CFAP299: variants seen among roughly 807,000 people sequenced by gnomAD.
The protein encoded by CFAP299 is cilia- and flagella-associated protein 299.
Under a neutral mutation model 27.0 loss-of-function variants are expected in CFAP299, and 21 were observed. That is an observed-to-expected ratio of 0.78 (90% CI 0.55 to 1.12). The LOEUF (loss-of-function observed/expected upper bound fraction) is 1.12, where lower values mean the gene tolerates loss of function less well. Ranked by LOEUF, CFAP299 falls within the 50% of genes most tolerant of loss-of-function variation. The pLI is 0.00. For missense variants in CFAP299, 310 were observed against 276.6 expected, an observed-to-expected ratio of 1.12 and a Z score of -0.86; for synonymous variants, 104 against 98.1, an observed-to-expected ratio of 1.06 and a Z score of -0.36.
At chr4:80,953,590 C>T (rs559019402) in intron 5 of CFAP299, among the ~76,000 whole-genome samples, 25 of 152,136 alleles carry the variant, frequency 1.6e-4, no homozygotes, top group Non-Finnish European at 2.8e-4. Flanking sequence ...ATGTCCTCCA[C>T]TTGACCTGAA....
At chr4:80,569,989 T>G (rs1470370779) in intron 2 of CFAP299, among the ~76,000 whole-genome samples, 1 of 151,642 alleles carries the variant, frequency 6.6e-6, no homozygotes, top group Non-Finnish European at 1.5e-5. Flanking sequence ...ATCAAAGACA[T>G]TTTGAAAAAG....
chr4:80,745,110 A>T (rs1039157178), intron 3 of CFAP299, among the ~76,000 whole-genome samples: 5 of 131,064 alleles, frequency 3.8e-5, no homozygotes, highest in African/African-American at 1.4e-4. Context: ...TGATGTTTGA[A>T]CGAGAAAGCA....
intron 3 of CFAP299, among the ~76,000 whole-genome samples, chr4:80,617,385 G>T (rs1325501330): frequency 6.6e-6 from 1 of 152,092 alleles, no homozygotes; most frequent in Non-Finnish European, 1.5e-5. Flanking sequence ...CCAGCTTCCT[G>T]ACTGTGAGAT....
intron 2 of CFAP299, among the ~76,000 whole-genome samples, chr4:80,523,641 T>C (rs1202083471): frequency 6.6e-6 from 1 of 152,138 alleles, no homozygotes; most frequent in Admixed American, 6.6e-5. Flanking sequence ...GTGATCTTGC[T>C]CTTTGTATAT....
chr4:80,391,042 CACAT>C (rs1372883398), intron 2 of CFAP299, among the ~76,000 whole-genome samples: 1 of 150,752 alleles, frequency 6.6e-6, no homozygotes, highest in African/African-American at 2.4e-5. Context: ...TATACACACA[CACAT>C]ATATACACAC....
chr4:80,866,962 A>G (rs192155037), intron 3 of CFAP299, among the ~76,000 whole-genome samples: 27 of 152,328 alleles, frequency 1.8e-4, no homozygotes, highest in Middle Eastern at 6.8e-3. Context: ...AGCTTATGAT[A>G]AACACCAAGA....
At chr4:80,831,619 G>T (rs534634836) in intron 3 of CFAP299, among the ~76,000 whole-genome samples, 1 of 152,210 alleles carries the variant, frequency 6.6e-6, no homozygotes, top group Admixed American at 6.6e-5. Context: ...TGGGAGTGAT[G>T]CCCAGAAACT....
At chr4:80,922,888 A>T (rs1421558380) in intron 4 of CFAP299, among the ~76,000 whole-genome samples, 3 of 149,856 alleles carry the variant, frequency 2.0e-5, no homozygotes, top group African/African-American at 7.3e-5. Context: ...TAATCTATAC[A>T]TACATATATA....
intron 2 of CFAP299, among the ~76,000 whole-genome samples, chr4:80,390,502 TATATATACACAC>T: frequency 7.2e-6 from 1 of 138,646 alleles, no homozygotes; most frequent in Admixed American, 7.5e-5. Context: ...TATATATATG[TATATATACACAC>T]ATATATGTAT....
At chr4:80,915,628 T>C (rs1735706093) in intron 4 of CFAP299, among the ~76,000 whole-genome samples, 1 of 152,068 alleles carries the variant, frequency 6.6e-6, no homozygotes, top group South Asian at 2.1e-4. Context: ...CAGATCCTCC[T>C]GTTATCCATC....
chr4:80,607,208 T>C (rs536329580), intron 3 of CFAP299, among the ~76,000 whole-genome samples: 1 of 152,154 alleles, frequency 6.6e-6, no homozygotes, highest in Non-Finnish European at 1.5e-5. Flanking sequence ...GTATAGCAAA[T>C]AGAATATTAA....
At chr4:80,627,597 A>G (rs1178140013) in intron 3 of CFAP299, among the ~76,000 whole-genome samples, 1 of 152,018 alleles carries the variant, frequency 6.6e-6, no homozygotes. Context: ...AATTCTAAAG[A>G]CTTTACAAAA....
At chr4:80,498,162 A>T (rs188166920) in intron 2 of CFAP299, among the ~76,000 whole-genome samples, 3 of 152,316 alleles carry the variant, frequency 2.0e-5, no homozygotes, top group African/African-American at 7.2e-5. Context: ...AAACAGAGGA[A>T]TTACCATTCT....
At chr4:80,829,103 T>G (rs1474842317) in intron 3 of CFAP299, among the ~76,000 whole-genome samples, 2 of 151,980 alleles carry the variant, frequency 1.3e-5, no homozygotes, top group Non-Finnish European at 2.9e-5. Context: ...TTAAAAACTT[T>G]TGTACATTAA....
Position 80,801,226 on chromosome 4 carries a change from T to C in CFAP299, c.334-68767T>C, listed in dbSNP as rs80181289. ...CCTTTTGAACATATAGATTTTTATA[T>C]ATTTAACAATTTAAGAACACACAGT... is the stretch of plus-strand genomic sequence containing the variant. On this transcript the variant is annotated intron_variant, in intron 3 of 5. Coordinates refer to ENST00000358105, the MANE Select transcript of CFAP299 (RefSeq NM_152770.3). Among the ~76,000 whole-genome samples the C allele has an allele frequency of 2.0e-3, 297 of 151,976 alleles. 13 individuals carry two copies. The East Asian group carries it at 0.049, about 25-fold the overall frequency.
chr4:80,398,855 G>T (rs768321028), intron 2 of CFAP299, among the ~76,000 whole-genome samples: 4 of 151,978 alleles, frequency 2.6e-5, no homozygotes, highest in Admixed American at 1.3e-4. Context: ...CTAATGAAAC[G>T]AAAGAGCTTC....
intron 4 of CFAP299, among the ~76,000 whole-genome samples, chr4:80,887,681 G>A (rs1734039123): frequency 6.6e-6 from 1 of 152,062 alleles, no homozygotes; most frequent in Admixed American, 6.5e-5. Flanking sequence ...GAATAATACA[G>A]AATTATGTAA....
At chr4:80,554,076 T>A (rs532755834) in intron 2 of CFAP299, among the ~76,000 whole-genome samples, 2 of 152,286 alleles carry the variant, frequency 1.3e-5, no homozygotes, top group East Asian at 1.9e-4. Flanking sequence ...CATTTGTATG[T>A]CCAGGATGGT....
rs1002042355 is a variant in CFAP299, at chr4:80,387,551, C to A, written c.242+24667C>A. On this transcript the variant is annotated intron_variant, in intron 2 of 5. Transcript: ENST00000358105. ...GGCTGGCCCAACCCTGTGTTTTCCTCATCCTCCTGCCTACTGGGGTTCAGG... is the reference window on the plus strand; with the variant it reads ...GGCTGGCCCAACCCTGTGTTTTCCTAATCCTCCTGCCTACTGGGGTTCAGG... 15 of 928,062 alleles carry A rather than the reference C, an allele frequency of 1.6e-5. 1 individual carries two copies. In the Admixed American group the frequency reaches 2.7e-4, roughly 17 times the overall value. The allele number at this position is 928,062 out of a possible 1,614,324, so 57.5% of individuals were successfully genotyped here.
Sources: gnomAD v4.1 joint callset for allele counts (sites outside exome capture counted in the v4.1 genomes callset) on GRCh38, gnomAD v4.1.1 for gene constraint, MANE v1.5 for transcripts, NCBI Gene and HGNC (gene_info 2026-07-23, HGNC 2026-07-21) for gene names.